The following SNTG1 variants were observed in gnomAD, a reference collection of about 807,000 sequenced individuals.
SNTG1 encodes syntrophin gamma 1, also known as gamma-1-syntrophin.
In SNTG1, 39 loss-of-function variants were observed where a neutral mutation model predicts 74.7. The observed-to-expected ratio is 0.52, with a 90% CI of 0.40 to 0.68. SNTG1 has a LOEUF of 0.68. Among genes scored for constraint, SNTG1 ranks in the 30% least tolerant of loss-of-function variants. SNTG1 has a pLI of 0.00. For missense variants in SNTG1, 685 were observed against 609.5 expected (o/e 1.12, Z -1.30); for synonymous variants, 254 against 217.1 (o/e 1.17, Z -1.49).
At chr8:50,596,815 G>A (rs933731057) in intron 13 of SNTG1, among the ~76,000 whole-genome samples, 1 of 151,934 alleles carries the variant, frequency 6.6e-6, no homozygotes, top group African/African-American at 2.4e-5. Flanking sequence ...ACACATGTTT[G>A]GGGGACAGTG....
rs573963137 is a variant in SNTG1, at chr8:50,666,938, G to A, written c.1038+8275G>A. 6.6e-5 allele frequency among the ~76,000 whole-genome samples: 10 copies of A among 151,922 alleles called. No individual in the cohort carries two copies. In the East Asian group the frequency reaches 1.7e-3, roughly 27 times the overall value. ...TCCCATACCCCATATTTACTTAAAT[G>A]TGATTGAAAAGCTAAATCTAATATT... is the stretch of plus-strand genomic sequence containing the variant. On this transcript the variant is annotated intron_variant, in intron 15 of 18. Transcript: ENST00000642720.
At chr8:50,433,790 G>C (rs2093270137) in intron 4 of SNTG1, among the ~76,000 whole-genome samples, 2 of 152,138 alleles carry the variant, frequency 1.3e-5, no homozygotes, top group Non-Finnish European at 2.9e-5. Flanking sequence ...CATAGGTCCA[G>C]CTCTCAGAAA....
chr8:50,712,837 TC>T (rs1380624728), intron 17 of SNTG1, among the ~76,000 whole-genome samples: 1 of 152,160 alleles, frequency 6.6e-6, no homozygotes, highest in Non-Finnish European at 1.5e-5. Context: ...CATGAACTCA[TC>T]CTTTTTTATG....
intron 2 of SNTG1, among the ~76,000 whole-genome samples, chr8:50,339,798 A>C (rs917491799): frequency 1.3e-5 from 2 of 151,986 alleles, no homozygotes; most frequent in African/African-American, 4.8e-5. Flanking sequence ...TCATCCTACT[A>C]TGTCAACAAT....
intron 2 of SNTG1, chr8:50,380,906 GA>G (rs1345848582): frequency 6.6e-6 from 1 of 152,170 alleles, no homozygotes; most frequent in East Asian, 1.9e-4. Flanking sequence ...TGACAGTCAG[GA>G]AATGTTCAGC....
At chr8:50,114,829 C>A (rs1231128464) in intron 1 of SNTG1, among the ~76,000 whole-genome samples, 4 of 152,086 alleles carry the variant, frequency 2.6e-5, no homozygotes, top group Non-Finnish European at 4.4e-5. Context: ...CGTGCCAATG[C>A]ACTACAGCCT....
chr8:50,171,232 T>A (rs2082795690), intron 1 of SNTG1, among the ~76,000 whole-genome samples: 1 of 152,092 alleles, frequency 6.6e-6, no homozygotes. Context: ...TATATATATA[T>A]TTCCTTTTAC....
At chr8:50,688,878 C>T (rs1428448838) in intron 15 of SNTG1, among the ~76,000 whole-genome samples, 1 of 151,958 alleles carries the variant, frequency 6.6e-6, no homozygotes, top group Non-Finnish European at 1.5e-5. Flanking sequence ...ATTGATTCTT[C>T]CTACCCATGA....
At chr8:50,596,059 C>T (rs1182693047) in intron 13 of SNTG1, among the ~76,000 whole-genome samples, 22 of 151,712 alleles carry the variant, frequency 1.5e-4, no homozygotes, top group Admixed American at 8.5e-4. Context: ...AACTGTTTTC[C>T]GAAGGGTTTT....
intron 17 of SNTG1, chr8:50,747,747 C>CT (rs897841479): frequency 1.3e-5 from 2 of 151,888 alleles, no homozygotes; most frequent in Non-Finnish European, 2.9e-5. Flanking sequence ...TCCTTCCTCT[C>CT]TTTTTCTCTT....
chr8:50,462,660 G>A (rs1239375614), intron 8 of SNTG1, among the ~76,000 whole-genome samples: 2 of 152,024 alleles, frequency 1.3e-5, no homozygotes, highest in East Asian at 1.9e-4. Flanking sequence ...TTTCAAGAAC[G>A]TTCACAGCAT....
intron 13 of SNTG1, among the ~76,000 whole-genome samples, chr8:50,624,580 A>G (rs180863422): frequency 9.2e-5 from 14 of 152,194 alleles, no homozygotes; most frequent in Non-Finnish European, 1.8e-4. Flanking sequence ...CTAGAAATAT[A>G]ATGGTTTTGA....
rs1038987920 is a variant in SNTG1, at chr8:50,526,844, G to A, written c.467-3333G>A. On this transcript the variant is annotated intron_variant, in intron 9 of 18. Transcript: ENST00000642720. ...TCACCATGTTGGCCAGGATGGTCTC[G>A]ATCTCCTGTCCTTGTGATCATCCCG... Among the ~76,000 whole-genome samples, 9 of 151,882 alleles carry A rather than the reference G, an allele frequency of 5.9e-5. No individual in the cohort carries two copies. In the Middle Eastern group the frequency reaches 0.01, roughly 172 times the overall value.
intron 1 of SNTG1, among the ~76,000 whole-genome samples, chr8:50,090,559 C>T (rs951134242): frequency 1.3e-5 from 2 of 152,116 alleles, no homozygotes; most frequent in Non-Finnish European, 2.9e-5. Context: ...AGGTCAAGGT[C>T]TATATAACTC....
At chr8:49,956,374 C>A (rs55913592) in intron 1 of SNTG1, among the ~76,000 whole-genome samples, 2 of 152,152 alleles carry the variant, frequency 1.3e-5, no homozygotes, top group Non-Finnish European at 1.5e-5. Context: ...AGATAACTGG[C>A]AATCTTCAAC....
intron 1 of SNTG1, among the ~76,000 whole-genome samples, chr8:49,913,035 T>C (rs80121298): frequency 0.013 from 1,937 of 152,340 alleles, 44 homozygotes; most frequent in African/African-American, 0.042. Flanking sequence ...TATTTCTAGT[T>C]TTCCCCTGGA....
At chr8:49,938,603 T>C (rs1346060371) in intron 1 of SNTG1, among the ~76,000 whole-genome samples, 50 of 74,754 alleles carry the variant, frequency 6.7e-4, no homozygotes, top group African/African-American at 2.1e-3. Flanking sequence ...TTTTCTTTTC[T>C]TTTCTTTCTT....
intron 2 of SNTG1, among the ~76,000 whole-genome samples, chr8:50,212,782 T>C (rs575597851): frequency 6.6e-6 from 1 of 152,128 alleles, no homozygotes; most frequent in Admixed American, 6.6e-5. Context: ...GTTTTGTCCA[T>C]GAGGCAGCAA....
At chr8:50,659,351 G>C (rs927773402) in intron 15 of SNTG1, among the ~76,000 whole-genome samples, 45 of 152,018 alleles carry the variant, frequency 3.0e-4, no homozygotes, top group African/African-American at 8.7e-4. Flanking sequence ...TTGTAGGCTT[G>C]GACTCACCAC....
Sources: gnomAD v4.1 joint callset for allele counts (sites outside exome capture counted in the v4.1 genomes callset) on GRCh38, gnomAD v4.1.1 for gene constraint, MANE v1.5 for transcripts, NCBI Gene and HGNC (gene_info 2026-07-23, HGNC 2026-07-21) for gene names.